The following ANXA8 variants were observed in gnomAD, a reference collection of about 807,000 sequenced individuals.
The protein encoded by ANXA8 is VAC-beta.
In ANXA8, 9 loss-of-function variants were observed where a neutral mutation model predicts 26.8. The ratio of observed to expected loss-of-function variants is 0.34; its 90% confidence interval spans 0.20 to 0.59. The LOEUF is 0.59. Ranked by LOEUF, ANXA8 falls within the 20% of genes least tolerant of loss-of-function variation. ANXA8 has a pLI of 0.84. For synonymous variants in ANXA8, 39 were observed against 94.8 expected (o/e 0.41, Z 3.42); for missense variants, 83 against 238.5 (o/e 0.35, Z 4.29).
chr10:47,973,703 C>A, the ANXA8 span, among the ~76,000 whole-genome samples: 3 of 150,918 alleles, frequency 2.0e-5, no homozygotes, highest in African/African-American at 7.3e-5. Flanking sequence ...ACTCACCCAG[C>A]CAGGCTGCCA....
chr10:47,771,562 A>G, the ANXA8 span, among the ~76,000 whole-genome samples: 67 of 151,406 alleles, frequency 4.4e-4, 5 homozygotes, highest in East Asian at 3.5e-3. Flanking sequence ...ACCACCATCT[A>G]TGGCAGGTTT....
chr10:47,519,116 G>A, the ANXA8 span, among the ~76,000 whole-genome samples: 1 of 137,262 alleles, frequency 7.3e-6, no homozygotes, highest in Non-Finnish European at 1.5e-5. Flanking sequence ...GATTCCTTAT[G>A]AATGGCTTGG....
the ANXA8 span, among the ~76,000 whole-genome samples, chr10:47,715,455 A>AAT: frequency 2.0e-4 from 23 of 113,590 alleles, no homozygotes; most frequent in South Asian, 2.1e-3. Flanking sequence ...TGGAAAAAAA[A>AAT]AATAATAATA....
At chr10:47,974,190 T>C in the ANXA8 span, among the ~76,000 whole-genome samples, 1 of 150,242 alleles carries the variant, frequency 6.7e-6, no homozygotes, top group Non-Finnish European at 1.5e-5. Flanking sequence ...AGCATTTAGG[T>C]GACTTAGTCT....
At chr10:47,619,835 TTGAC>T in the ANXA8 span, among the ~76,000 whole-genome samples, 3 of 113,754 alleles carry the variant, frequency 2.6e-5, 1 homozygote, top group Non-Finnish European at 5.9e-5. Flanking sequence ...AGCAGATTAA[TTGAC>T]TGATGAAATA....
the ANXA8 span, among the ~76,000 whole-genome samples, chr10:47,979,248 T>C: frequency 0.019 from 2,937 of 151,154 alleles, 110 homozygotes; most frequent in African/African-American, 0.067. Context: ...CTTTCAACAA[T>C]GGATAGAACA....
the ANXA8 span, among the ~76,000 whole-genome samples, chr10:47,671,671 G>A: frequency 1.3e-5 from 2 of 151,620 alleles, no homozygotes; most frequent in African/African-American, 2.4e-5. Context: ...CTTAGATGCT[G>A]TTTTGGAAGG....
the ANXA8 span, among the ~76,000 whole-genome samples, chr10:47,671,022 C>T: frequency 6.6e-6 from 1 of 151,624 alleles, no homozygotes. Context: ...GGGAAGTTGG[C>T]CTGCTTCCAA....
chr10:47,506,497 T>C, the ANXA8 span, among the ~76,000 whole-genome samples: 2 of 137,630 alleles, frequency 1.5e-5, no homozygotes, highest in Non-Finnish European at 3.1e-5. Flanking sequence ...CGCCCAGCCA[T>C]TTTTTGTACT....
At chr10:47,683,413 A>G in the ANXA8 span, among the ~76,000 whole-genome samples, 30 of 151,780 alleles carry the variant, frequency 2.0e-4, no homozygotes, top group Admixed American at 1.8e-3. Flanking sequence ...TATTTTTAGT[A>G]GAGACGGGGT....
At chr10:47,502,983 G>A in the ANXA8 span, 9 of 1,560,176 alleles carry the variant, frequency 5.8e-6, 1 homozygote, top group Admixed American at 1.8e-5. Flanking sequence ...TGGTGGTGCT[G>A]GAGATACCGG....
the ANXA8 span, among the ~76,000 whole-genome samples, chr10:47,668,952 C>T: frequency 1.3e-5 from 2 of 151,742 alleles, no homozygotes; most frequent in Admixed American, 6.6e-5. Context: ...CTTTTAATTT[C>T]CTGTCTGGTG....
chr10:47,991,679 C>G, the ANXA8 span: 3 of 1,611,332 alleles, frequency 1.9e-6, no homozygotes, highest in East Asian at 6.7e-5. Flanking sequence ...CTCCCACTTA[C>G]CCAGGCTTTC....
the ANXA8 span, among the ~76,000 whole-genome samples, chr10:47,497,389 G>T: frequency 4.1e-5 from 6 of 144,736 alleles, no homozygotes; most frequent in Non-Finnish European, 9.0e-5. Flanking sequence ...GCCAAGGTGG[G>T]TGGATCACCT....
At chr10:47,589,900 AGAT>A in the ANXA8 span, among the ~76,000 whole-genome samples, 810 of 116,036 alleles carry the variant, frequency 7.0e-3, 91 homozygotes, top group African/African-American at 0.037. Flanking sequence ...AAAGATAGAT[AGAT>A]GATAGATAGA....
the ANXA8 span, among the ~76,000 whole-genome samples, chr10:47,699,592 G>A: frequency 6.6e-6 from 1 of 151,300 alleles, no homozygotes; most frequent in Non-Finnish European, 1.5e-5. Flanking sequence ...TTTGGGAGAT[G>A]AAAGTGGGTG....
intron 1 of ANXA8, among the ~76,000 whole-genome samples, chr10:47,483,607 TTGAG>T (rs1839928993): frequency 7.0e-6 from 1 of 143,178 alleles, no homozygotes; most frequent in Non-Finnish European, 1.5e-5. Context: ...ACCCCCTCCT[TTGAG>T]TGGCCCCACC....
chr10:47,558,075 A>T, the ANXA8 span, among the ~76,000 whole-genome samples: 42 of 151,990 alleles, frequency 2.8e-4, 1 homozygote, highest in East Asian at 7.7e-3. Flanking sequence ...ATAGTTGCAG[A>T]TGTCTGCATT....
chr10:47,690,926 A>G, the ANXA8 span: 6 of 1,611,128 alleles, frequency 3.7e-6, no homozygotes, highest in African/African-American at 8.0e-5. Flanking sequence ...TTGATTTCTA[A>G]TGGAGGAGAT....
Sources: gnomAD v4.1 joint callset for allele counts (sites outside exome capture counted in the v4.1 genomes callset) on GRCh38, gnomAD v4.1.1 for gene constraint, MANE v1.5 for transcripts, NCBI Gene and HGNC (gene_info 2026-07-23, HGNC 2026-07-21) for gene names.